The following CSMD2 variants were observed in gnomAD, a reference collection of about 807,000 sequenced individuals.
CSMD2 encodes CUB and sushi domain-containing protein 2.
CSMD2 carries 130 observed loss-of-function variants against 398.5 expected under a neutral mutation model. The ratio of observed to expected loss-of-function variants is 0.33; its 90% CI spans 0.28 to 0.38. The LOEUF is 0.38. Among genes scored for constraint, CSMD2 ranks in the 10% least tolerant of loss-of-function variants. The pLI, the probability that CSMD2 is intolerant of heterozygous loss-of-function variation, is 1.00. For synonymous variants in CSMD2, 1,828 were observed against 1,908.5 expected, an observed-to-expected ratio of 0.96 and a Z score of 1.10; for missense variants, 3,829 against 4,764.9, an observed-to-expected ratio of 0.80 and a Z score of 5.78.
chr1:33,864,485 A>C, intron 5 of CSMD2: 1 of 1,614,114 alleles, frequency 6.2e-7, no homozygotes, highest in South Asian at 1.1e-5. Context: ...GGCCTCCATC[A>C]TCCTTCCTAC....
At chr1:33,788,549 C>T (rs61799751) in intron 12 of CSMD2, 51 bp downstream of exon 12, 64 of 1,015,130 alleles carry the variant, frequency 6.3e-5, no homozygotes, top group Non-Finnish European at 9.3e-5. Context: ...AATCCAGACC[C>T]CGTCTCTGAC....
chr1:33,869,687 T>A (rs1354293904), intron 5 of CSMD2, among the ~76,000 whole-genome samples: 1 of 152,226 alleles, frequency 6.6e-6, no homozygotes, highest in African/African-American at 2.4e-5. Context: ...CAAATTCTCC[T>A]TCTTGTAGCC....
At chr1:33,765,549 A>T (rs982580516) in intron 13 of CSMD2, among the ~76,000 whole-genome samples, 1 of 152,232 alleles carries the variant, frequency 6.6e-6, no homozygotes, top group Non-Finnish European at 1.5e-5. Context: ...ATCTAAGTAA[A>T]CTCCAGATGG....
chr1:33,671,605 T>C (rs1303460722), intron 25 of CSMD2, among the ~76,000 whole-genome samples: 1 of 152,022 alleles, frequency 6.6e-6, no homozygotes, highest in East Asian at 1.9e-4. Context: ...CACCAACCAA[T>C]AGCAGGCCCT....
At chr1:34,048,267 A>C (rs920318449) in intron 2 of CSMD2, among the ~76,000 whole-genome samples, 1 of 152,156 alleles carries the variant, frequency 6.6e-6, no homozygotes. Flanking sequence ...TACCTCCCCT[A>C]AATCAGGCTT....
intron 1 of CSMD2, among the ~76,000 whole-genome samples, chr1:34,107,326 G>T (rs903947244): frequency 6.6e-6 from 1 of 152,152 alleles, no homozygotes; most frequent in Non-Finnish European, 1.5e-5. Context: ...GTGTCCCAGT[G>T]AGTGCTTCCT....
chr1:33,844,822 C>T (rs984913980), intron 6 of CSMD2, among the ~76,000 whole-genome samples: 2 of 152,170 alleles, frequency 1.3e-5, no homozygotes, highest in East Asian at 1.9e-4. Flanking sequence ...CTGGCGCACA[C>T]TAACATGCAA....
At chr1:33,938,553 C>T (rs974732360) in intron 3 of CSMD2, among the ~76,000 whole-genome samples, 3 of 151,584 alleles carry the variant, frequency 2.0e-5, no homozygotes, top group African/African-American at 7.3e-5. Context: ...CTTAGCATTT[C>T]CCATGATCCC....
chr1:33,865,838 G>T (rs556869682), intron 5 of CSMD2, among the ~76,000 whole-genome samples: 3 of 152,306 alleles, frequency 2.0e-5, no homozygotes, highest in East Asian at 3.9e-4. Flanking sequence ...TGACACAAAT[G>T]GGATTGTGCT....
chr1:33,654,480 G>A (rs1361209102), intron 27 of CSMD2, among the ~76,000 whole-genome samples: 1 of 152,216 alleles, frequency 6.6e-6, no homozygotes, highest in African/African-American at 2.4e-5. Context: ...GGAGAGCACA[G>A]TTGTTGCAGG....
At chr1:33,871,882 C>T (rs552890496) in intron 5 of CSMD2, among the ~76,000 whole-genome samples, 102 of 152,292 alleles carry the variant, frequency 6.7e-4, no homozygotes, top group African/African-American at 2.2e-3. Flanking sequence ...GCTGGGATTA[C>T]GGCACGAGCC....
At chr1:33,940,513 G>C (rs1644633193) in intron 3 of CSMD2, among the ~76,000 whole-genome samples, 1 of 151,882 alleles carries the variant, frequency 6.6e-6, no homozygotes, top group South Asian at 2.1e-4. Context: ...AAACATACCA[G>C]GCACTTTATC....
intron 10 of CSMD2, among the ~76,000 whole-genome samples, chr1:33,795,676 T>C (rs1329312494): frequency 6.6e-6 from 1 of 152,212 alleles, no homozygotes; most frequent in Non-Finnish European, 1.5e-5. Context: ...GCTCAGCCCC[T>C]TCCTCTCGTC....
intron 5 of CSMD2, among the ~76,000 whole-genome samples, chr1:33,895,097 G>A (rs1048824858): frequency 1.3e-5 from 2 of 152,182 alleles, no homozygotes; most frequent in Non-Finnish European, 2.9e-5. Flanking sequence ...CTACATTATT[G>A]AGTGTTACCT....
At chr1:34,053,187 T>A (rs1653414941) in intron 2 of CSMD2, among the ~76,000 whole-genome samples, 1 of 152,222 alleles carries the variant, frequency 6.6e-6, no homozygotes, top group South Asian at 2.1e-4. Flanking sequence ...ATTACTTTAT[T>A]TTTTAATAGA....
At chr1:33,594,637 G>A (rs1457301119) in intron 44 of CSMD2, among the ~76,000 whole-genome samples, 1 of 151,952 alleles carries the variant, frequency 6.6e-6, no homozygotes, top group Non-Finnish European at 1.5e-5. Flanking sequence ...TTGTCCACTG[G>A]GTCTCCTTAT....
chr1:34,165,163 C>T lies in CSMD2; in HGVS notation c.-66G>A. 3 of 1,198,018 alleles carry T rather than the reference C, an allele frequency of 2.5e-6. No individual in the cohort carries two copies. The highest frequency in any genetic ancestry group is 4.2e-5 in the South Asian group (1 of 23,794). The allele number at this position is 1,198,018 out of a possible 1,614,324, so 74.2% of individuals were successfully genotyped here. The stretch of plus-strand genomic sequence containing the variant: ...CCGAGGAGAAAGGAGGTCAGGAGAG[C>T]TCTGGAGCTTTTTTCTGCTCGGAAA... On this transcript the variant is annotated 5_prime_UTR_variant, in exon 1 of 71. Coordinates refer to ENST00000373381, the MANE Select transcript of CSMD2 (RefSeq NM_001281956.2).
rs1266501992 is a variant in CSMD2, at chr1:33,519,189, T to G, written c.*53+276A>C. ...TCGACCCCACCCCTTCTGAGCTGTG[T>G]GACCTTGCTCAAGTTAGTTTCTATG... On this transcript the variant is annotated intron_variant, in intron 70 of 70. Coordinates refer to ENST00000373381, the MANE Select transcript of CSMD2 (RefSeq NM_001281956.2). The surrounding 1 kb of genome is among the most constrained non-coding windows in gnomAD (Gnocchi z 5.6). Among the ~76,000 whole-genome samples, 2 of 152,210 alleles carry G rather than the reference T, an allele frequency of 1.3e-5. No homozygotes were observed. The highest frequency in any genetic ancestry group is 1.5e-5 in the Non-Finnish European group (1 of 68,038).
chr1:33,995,572 C>T (rs1231880703), intron 3 of CSMD2, among the ~76,000 whole-genome samples: 1 of 152,146 alleles, frequency 6.6e-6, no homozygotes, highest in Non-Finnish European at 1.5e-5. Flanking sequence ...TGCAAAACTT[C>T]GATTCCTCCA....
Sources: gnomAD v4.1 joint callset for allele counts (sites outside exome capture counted in the v4.1 genomes callset) on GRCh38, gnomAD v4.1.1 for gene constraint, Gnocchi (gnomAD v3.1) non-coding constraint, MANE v1.5 for transcripts, NCBI Gene and HGNC (gene_info 2026-07-23, HGNC 2026-07-21) for gene names.